The following HAO1 variants were observed in gnomAD, a reference collection of about 807,000 sequenced individuals.
The protein encoded by HAO1 is hydroxyacid oxidase 1, also known as 2-Hydroxyacid oxidase 1.
In HAO1, 34 loss-of-function variants were observed where a neutral mutation model predicts 39.7. That is an observed-to-expected ratio of 0.86 (90% confidence interval 0.65 to 1.14). The LOEUF is 1.14. Among genes scored for constraint, HAO1 ranks in the 50% most tolerant of loss-of-function variants. HAO1 has a pLI of 0.00. For missense variants in HAO1, 479 were observed against 464.5 expected (o/e 1.03, Z -0.29); for synonymous variants, 172 against 173.2 (o/e 0.99, Z 0.05).
chr20:7,900,729 A>T (rs1022439830), intron 4 of HAO1, among the ~76,000 whole-genome samples: 1 of 151,934 alleles, frequency 6.6e-6, no homozygotes, highest in Non-Finnish European at 1.5e-5. Context: ...CCAACTAATA[A>T]CTCTACAATG....
intron 2 of HAO1, among the ~76,000 whole-genome samples, chr20:7,933,580 G>T (rs1306686808): frequency 6.6e-6 from 1 of 152,142 alleles, no homozygotes; most frequent in African/African-American, 2.4e-5. Flanking sequence ...GTGCCATTCT[G>T]ATATCCCTGA....
At chr20:7,930,402 A>C (rs1054194724) in intron 2 of HAO1, among the ~76,000 whole-genome samples, 2 of 152,180 alleles carry the variant, frequency 1.3e-5, no homozygotes, top group African/African-American at 4.8e-5. Flanking sequence ...TTTATAAATA[A>C]ATCTCTGCCA....
intron 2 of HAO1, among the ~76,000 whole-genome samples, chr20:7,914,914 T>C (rs1476706813): frequency 6.6e-6 from 1 of 151,772 alleles, no homozygotes; most frequent in Non-Finnish European, 1.5e-5. Flanking sequence ...AGGTCAGGAG[T>C]TCGAGACCAG....
At chr20:7,900,691 C>T (rs1252219324) in intron 4 of HAO1, among the ~76,000 whole-genome samples, 1 of 152,058 alleles carries the variant, frequency 6.6e-6, no homozygotes, top group Non-Finnish European at 1.5e-5. Context: ...CTCCCTATTC[C>T]CTGAGAAGCA....
chr20:7,937,752 T>C (rs187496612), intron 1 of HAO1, among the ~76,000 whole-genome samples: 1 of 152,314 alleles, frequency 6.6e-6, no homozygotes. Context: ...GTTGAATTAA[T>C]CCCAATCAAT....
chr20:7,903,531 G>A (rs1033933854), intron 4 of HAO1, among the ~76,000 whole-genome samples: 74 of 151,828 alleles, frequency 4.9e-4, no homozygotes, highest in Non-Finnish European at 9.9e-4. Context: ...ACTGGTGGTG[G>A]TGGTGGAGGT....
chr20:7,935,954 T>C (rs1217649971), intron 1 of HAO1, among the ~76,000 whole-genome samples: 1 of 151,818 alleles, frequency 6.6e-6, no homozygotes, highest in African/African-American at 2.4e-5. Context: ...AGAAACAGCA[T>C]GACTTTTTAG....
intron 7 of HAO1, among the ~76,000 whole-genome samples, chr20:7,884,315 T>A (rs925594849): frequency 5.3e-5 from 8 of 152,206 alleles, no homozygotes; most frequent in Non-Finnish European, 1.0e-4. Context: ...CTCATGTATC[T>A]TATGTTCTAA....
At chr20:7,910,825 AGAG>A (rs1214744711) in intron 3 of HAO1, among the ~76,000 whole-genome samples, 2 of 152,198 alleles carry the variant, frequency 1.3e-5, no homozygotes, top group Non-Finnish European at 2.9e-5. Flanking sequence ...CAAAAATTTA[AGAG>A]GCTATTGTGC....
Position 7,935,109 on chromosome 20 carries a change from TGTA to T in HAO1, c.138-477_138-475del, listed in dbSNP as rs1255402722. 3.3e-5 allele frequency among the ~76,000 whole-genome samples: 5 copies of T among 152,360 alleles called. No individual in the cohort carries two copies. The South Asian group carries it at 8.3e-4, about 25-fold the overall frequency. ...ATCATGTAAACAAAATCATTCAGTA[TGTA>T]GCCTTTTGAGTTTGGCTTCTTTCAC... On this transcript the variant is annotated intron_variant, in intron 1 of 7. Transcript: ENST00000378789.
intron 2 of HAO1, among the ~76,000 whole-genome samples, chr20:7,922,763 C>T (rs1378250615): frequency 1.3e-5 from 2 of 152,092 alleles, no homozygotes; most frequent in African/African-American, 4.8e-5. Flanking sequence ...ATCAGTAATA[C>T]TTGGAAGAAA....
chr20:7,924,424 G>A (rs1181004550), intron 2 of HAO1, among the ~76,000 whole-genome samples: 2 of 152,110 alleles, frequency 1.3e-5, no homozygotes, highest in Non-Finnish European at 2.9e-5. Flanking sequence ...CTTACACACA[G>A]AAATAAGATG....
intron 3 of HAO1, among the ~76,000 whole-genome samples, chr20:7,910,262 G>A (rs1388021803): frequency 6.6e-6 from 1 of 152,186 alleles, no homozygotes; most frequent in East Asian, 1.9e-4. Flanking sequence ...TAAGAGAGAT[G>A]TGAGTTTTCA....
At chr20:7,895,482 G>C (rs1413295009) in intron 4 of HAO1, among the ~76,000 whole-genome samples, 1 of 151,546 alleles carries the variant, frequency 6.6e-6, no homozygotes, top group East Asian at 1.9e-4. Context: ...ATAATACATT[G>C]ACATAAAGCG....
intron 4 of HAO1, among the ~76,000 whole-genome samples, chr20:7,902,844 AG>A (rs1201076271): frequency 2.6e-5 from 4 of 152,228 alleles, no homozygotes; most frequent in Non-Finnish European, 5.9e-5. Flanking sequence ...AAGTTCTCTA[AG>A]GGCAGTTTAA....
chr20:7,895,335 G>A (rs891816900), intron 4 of HAO1, 111 bp from the exon 5 acceptor site: 5 of 699,636 alleles, frequency 7.1e-6, no homozygotes, highest in Non-Finnish European at 1.3e-5. Flanking sequence ...CTGCATACCT[G>A]GGTCAATAAT....
intron 5 of HAO1, among the ~76,000 whole-genome samples, chr20:7,888,804 A>T (rs2050161643): frequency 1.3e-5 from 2 of 152,192 alleles, no homozygotes; most frequent in Non-Finnish European, 1.5e-5. Context: ...ATTTGCTTTC[A>T]TCAGTGGAAT....
chr20:7,931,194 C>T (rs898338588), intron 2 of HAO1, among the ~76,000 whole-genome samples: 8 of 152,144 alleles, frequency 5.3e-5, no homozygotes, highest in Non-Finnish European at 1.0e-4. Context: ...CTTCCATTGC[C>T]TTCTCCAATT....
chr20:7,884,625 A>G (rs1186151113), intron 7 of HAO1, among the ~76,000 whole-genome samples: 1 of 152,194 alleles, frequency 6.6e-6, no homozygotes, highest in East Asian at 1.9e-4. Context: ...AGGCTGAAAC[A>G]TATCTCACAT....
Sources: gnomAD v4.1 joint callset for allele counts (sites outside exome capture counted in the v4.1 genomes callset) on GRCh38, gnomAD v4.1.1 for gene constraint, MANE v1.5 for transcripts, NCBI Gene and HGNC (gene_info 2026-07-23, HGNC 2026-07-21) for gene names.